The following CAMK1D variants were observed in gnomAD, a reference collection of about 807,000 sequenced individuals.
CAMK1D encodes calcium/calmodulin dependent protein kinase ID.
A neutral mutation model predicts 47.7 loss-of-function variants in CAMK1D; 9 were observed. The observed-to-expected ratio is 0.19, with a 90% CI of 0.11 to 0.33. CAMK1D has a LOEUF of 0.33. Ranked by LOEUF, CAMK1D falls within the 10% of genes least tolerant of loss-of-function variation. The pLI is 1.00. For missense variants in CAMK1D, 291 were observed against 488.7 expected (o/e 0.60, Z 3.81); for synonymous variants, 184 against 184.9 (o/e 0.99, Z 0.04).
chr10:12,482,222 C>T (rs1297176491), intron 1 of CAMK1D, among the ~76,000 whole-genome samples: 1 of 152,208 alleles, frequency 6.6e-6, no homozygotes, highest in Non-Finnish European at 1.5e-5. Flanking sequence ...CTCCTTTCTT[C>T]ACCCCACCCC....
At chr10:12,694,197 T>A (rs188318265) in intron 3 of CAMK1D, among the ~76,000 whole-genome samples, 510 of 3,108 alleles carry the variant, frequency 0.16, 137 homozygotes, top group African/African-American at 0.23. Context: ...ATAATATATA[T>A]TATATATTAT....
intron 4 of CAMK1D, among the ~76,000 whole-genome samples, chr10:12,769,272 T>C (rs951189876): frequency 3.3e-5 from 5 of 152,156 alleles, no homozygotes; most frequent in Admixed American, 1.3e-4. Flanking sequence ...CAGAGACCCT[T>C]GGATTCAAGA....
chr10:12,594,133 G>A (rs1346270654), intron 2 of CAMK1D, among the ~76,000 whole-genome samples: 1 of 152,210 alleles, frequency 6.6e-6, no homozygotes, highest in Admixed American at 6.5e-5. Context: ...CCGAGATCGT[G>A]CCATTGCACT....
chr10:12,521,179 CTT>C (rs1835405173), intron 1 of CAMK1D, among the ~76,000 whole-genome samples: 1 of 152,002 alleles, frequency 6.6e-6, no homozygotes, highest in East Asian at 1.9e-4. Flanking sequence ...TAAATTTGCT[CTT>C]CTTTTTCTAG....
chr10:12,801,200 C>G (rs1160563908), intron 6 of CAMK1D, among the ~76,000 whole-genome samples: 1 of 152,056 alleles, frequency 6.6e-6, no homozygotes, highest in Non-Finnish European at 1.5e-5. Context: ...GTCACTGGAA[C>G]TTTCAGATGT....
At chr10:12,672,984 C>T (rs1840679294) in intron 3 of CAMK1D, among the ~76,000 whole-genome samples, 1 of 148,140 alleles carries the variant, frequency 6.8e-6, no homozygotes, top group South Asian at 2.1e-4. Context: ...GCAACTTCCG[C>T]CTCCCGGGTT....
rs74499352 is a variant in CAMK1D, at chr10:12,686,201, A to G, written c.299+19391A>G. Among the ~76,000 whole-genome samples, 764 of 152,308 alleles carry G rather than the reference A, an allele frequency of 5.0e-3. 11 individuals are homozygous for G. Among genetic ancestry groups the G allele is most frequent in the African/African-American group, 0.017 (712 of 41,560 alleles). On this transcript the variant is annotated intron_variant, in intron 3 of 10. Transcript: ENST00000619168. Reference sequence around the variant, plus strand: ...GTCCCATCATCTGTGCCATATACATATTTAGGAATATGCCCTGGATGAGGT... The same window carrying G: ...GTCCCATCATCTGTGCCATATACATGTTTAGGAATATGCCCTGGATGAGGT...
intron 1 of CAMK1D, among the ~76,000 whole-genome samples, chr10:12,526,107 T>A (rs546010771): frequency 6.6e-6 from 1 of 152,354 alleles, no homozygotes; most frequent in South Asian, 2.1e-4. Flanking sequence ...TGAATCCTGT[T>A]AAAATCTGCT....
chr10:12,466,801 C>T (rs139320774), intron 1 of CAMK1D, among the ~76,000 whole-genome samples: 17 of 152,090 alleles, frequency 1.1e-4, no homozygotes, highest in African/African-American at 3.1e-4. Flanking sequence ...ATGGGAAGGT[C>T]GTGGCGGCAG....
At chr10:12,767,366 G>T (rs550879661) in intron 4 of CAMK1D, among the ~76,000 whole-genome samples, 12 of 152,058 alleles carry the variant, frequency 7.9e-5, no homozygotes, top group African/African-American at 2.9e-4. Context: ...TAGTAGAGAC[G>T]GGGTTTCTCC....
chr10:12,400,458 G>T (rs1035561963), intron 1 of CAMK1D, among the ~76,000 whole-genome samples: 5 of 152,178 alleles, frequency 3.3e-5, no homozygotes, highest in South Asian at 2.1e-4. Context: ...GAAGATAAAA[G>T]ACCTCAGAAG....
intron 1 of CAMK1D, among the ~76,000 whole-genome samples, chr10:12,400,982 A>G (rs888279775): frequency 2.7e-4 from 37 of 139,340 alleles, no homozygotes; most frequent in African/African-American, 9.6e-4. Context: ...CAAAAAAGGA[A>G]TGCCTTTTCT....
intron 2 of CAMK1D, among the ~76,000 whole-genome samples, chr10:12,559,986 C>T (rs2132287760): frequency 6.6e-6 from 1 of 152,242 alleles, no homozygotes; most frequent in South Asian, 2.1e-4. Flanking sequence ...ATGGGAAGGG[C>T]GGAGCCTTAT....
chr10:12,408,895 C>T (rs1169512067), intron 1 of CAMK1D, among the ~76,000 whole-genome samples: 1 of 148,836 alleles, frequency 6.7e-6, no homozygotes, highest in African/African-American at 2.5e-5. Context: ...TTTCTGTCGC[C>T]CAGGCTGGAG....
At chr10:12,433,752 C>T (rs1832553018) in intron 1 of CAMK1D, among the ~76,000 whole-genome samples, 1 of 152,230 alleles carries the variant, frequency 6.6e-6, no homozygotes, top group African/African-American at 2.4e-5. Flanking sequence ...CAGATAGCCA[C>T]GTGCTTGGGC....
intron 1 of CAMK1D, among the ~76,000 whole-genome samples, chr10:12,381,521 A>T (rs1004657173): frequency 6.6e-6 from 1 of 152,016 alleles, no homozygotes; most frequent in Non-Finnish European, 1.5e-5. Context: ...TTTTTAGTAG[A>T]GACGGGTTTC....
At chr10:12,747,775 C>G (rs189454234) in intron 3 of CAMK1D, among the ~76,000 whole-genome samples, 2 of 152,056 alleles carry the variant, frequency 1.3e-5, no homozygotes, top group Non-Finnish European at 2.9e-5. Context: ...CTGGGAAGAG[C>G]ATTTATATCA....
At chr10:12,731,633 A>G (rs1834888582) in intron 3 of CAMK1D, among the ~76,000 whole-genome samples, 1 of 152,214 alleles carries the variant, frequency 6.6e-6, no homozygotes, top group Admixed American at 6.5e-5. Flanking sequence ...GGTGTATGGC[A>G]AGGAGCAGCA....
At chr10:12,771,408 A>G (rs1194458120) in intron 5 of CAMK1D, among the ~76,000 whole-genome samples, 1 of 152,226 alleles carries the variant, frequency 6.6e-6, no homozygotes, top group African/African-American at 2.4e-5. Flanking sequence ...AGGAGATACA[A>G]GGGGTATTGT....
Sources: gnomAD v4.1 joint callset for allele counts (sites outside exome capture counted in the v4.1 genomes callset) on GRCh38, gnomAD v4.1.1 for gene constraint, MANE v1.5 for transcripts, NCBI Gene and HGNC (gene_info 2026-07-23, HGNC 2026-07-21) for gene names.